NFASC: variants seen among roughly 807,000 people sequenced by gnomAD.
NFASC encodes the protein neurofascin.
A neutral mutation model predicts 147.5 loss-of-function variants in NFASC; 43 were observed. The ratio of observed to expected loss-of-function variants is 0.29; its 90% CI spans 0.23 to 0.38. The LOEUF is 0.38. NFASC is among the 10% of genes least tolerant of loss of function. NFASC has a pLI of 1.00. For missense variants in NFASC, 1,320 were observed against 1,689.0 expected, an observed-to-expected ratio of 0.78 and a Z score of 3.83; for synonymous variants, 622 against 665.5, an observed-to-expected ratio of 0.93 and a Z score of 1.01.
chr1:204,875,936 A>C (rs2078698112), intron 1 of NFASC, among the ~76,000 whole-genome samples: 1 of 152,098 alleles, frequency 6.6e-6, no homozygotes. Context: ...GTTGGTGGGG[A>C]AAAGTGGAAG....
At chr1:204,980,298 C>G (rs2095487053) in intron 19 of NFASC, 72 bp from the exon 20 acceptor site, 3 of 1,160,436 alleles carry the variant, frequency 2.6e-6, no homozygotes, top group Non-Finnish European at 3.9e-6. Context: ...TCAGGTAGGA[C>G]AGAGGAAGGT....
chr1:204,871,204 T>G, intron 1 of NFASC: 1 of 869,494 alleles, frequency 1.2e-6, no homozygotes, highest in Non-Finnish European at 1.6e-6. Context: ...AGACTGTGGT[T>G]GTGCACAAGG....
chr1:204,948,245 G>A (rs1317706530), intron 3 of NFASC, among the ~76,000 whole-genome samples: 1 of 152,242 alleles, frequency 6.6e-6, no homozygotes, highest in African/African-American at 2.4e-5. Context: ...TGTGACACTG[G>A]GTGGGAGCTT....
At chr1:204,976,597 T>C in intron 15 of NFASC, 74 bp from the exon 16 acceptor site, 2 of 1,168,972 alleles carry the variant, frequency 1.7e-6, no homozygotes, top group Non-Finnish European at 2.5e-6. Context: ...GAACCCCCTC[T>C]AGGGAGAAAG....
intron 1 of NFASC, among the ~76,000 whole-genome samples, chr1:204,884,059 C>T (rs2080853412): frequency 6.6e-6 from 1 of 152,124 alleles, no homozygotes; most frequent in African/African-American, 2.4e-5. Flanking sequence ...ATTAAGTTGA[C>T]GTTGGGAGGC....
intron 13 of NFASC, 38 bp from the exon 14 acceptor site, chr1:204,974,619 G>C: frequency 6.2e-7 from 1 of 1,613,372 alleles, no homozygotes; most frequent in South Asian, 1.1e-5. Context: ...GGCTGGTCCT[G>C]TCTCAGGATG....
chr1:204,886,036 C>A (rs1012254524), intron 1 of NFASC, among the ~76,000 whole-genome samples: 3 of 152,222 alleles, frequency 2.0e-5, no homozygotes, highest in South Asian at 2.1e-4. Context: ...TGAATATCCT[C>A]AGGGATGGGC....
At chr1:204,871,709 G>A (rs1476301327) in intron 1 of NFASC, among the ~76,000 whole-genome samples, 2 of 152,206 alleles carry the variant, frequency 1.3e-5, no homozygotes, top group Non-Finnish European at 2.9e-5. Context: ...TCTAGGGATG[G>A]AGAGCAGTTT....
Position 204,997,404 on chromosome 1 carries a change from C to T in NFASC, c.3017C>T (p.Ser1006Phe). Residue 1006 changes from serine to phenylalanine, a missense_variant and splice_region_variant, in exon 25 of 30, where the codon TCC (serine) becomes TTC (phenylalanine). Coordinates refer to ENST00000339876, the MANE Select transcript of NFASC (RefSeq NM_001005388.3). ...TTTSGTKIHE[S>F]APDEQSIWNV... ...ACCTCCGGGACTAAGATACACGAATCCGGTACTGCGCATCGCCCATGCTCC... is the reference window on the plus strand; with the variant it reads ...ACCTCCGGGACTAAGATACACGAATTCGGTACTGCGCATCGCCCATGCTCC... 6.4e-7 allele frequency: 1 copy of T among 1,552,078 alleles called. No homozygotes were observed. Among genetic ancestry groups the T allele is most frequent in the Non-Finnish European group, 8.7e-7 (1 of 1,147,076 alleles).
At position 205,012,953 on chromosome 1, in the gene NFASC, C is replaced by A. The variant is rs1330387679; in HGVS notation, c.3491+87C>A. ...CTCCCCTCAGAGTAGCTCCGCTTGG[C>A]TGAGAGGCCATGAGTAGCTGTCCTT... On this transcript the variant is annotated intron_variant, in intron 29 of 29. Transcript: ENST00000339876. The A allele has an allele frequency of 4.6e-5, 44 of 949,562 alleles. No homozygotes were observed. The South Asian group carries it at 5.8e-4, about 13-fold the overall frequency. 58.8% of individuals were successfully genotyped at this position (949,562 alleles called of 1,614,324 possible). A position where few individuals can be genotyped will look rare whatever the true frequency, so the allele number is the denominator to read the frequency against.
At chr1:204,868,415 G>A (rs1262835101) in intron 1 of NFASC, among the ~76,000 whole-genome samples, 1 of 152,144 alleles carries the variant, frequency 6.6e-6, no homozygotes, top group African/African-American at 2.4e-5. Context: ...GGACATGCTG[G>A]CGCTCTCCCC....
chr1:204,939,706 G>A (rs1198497042), intron 2 of NFASC, among the ~76,000 whole-genome samples: 1 of 152,252 alleles, frequency 6.6e-6, no homozygotes, highest in Admixed American at 6.5e-5. Flanking sequence ...TGGGCCCTAG[G>A]GCAAGACTGT....
chr1:204,979,569 C>A lies in NFASC; in HGVS notation c.2176+10C>A. ...CGAACCAGTGGAGCACGTGAGTACC[C>A]GAGGGCTGCCAGAGAAGGCTCCGGA... is the stretch of plus-strand genomic sequence containing the variant. On this transcript the variant is annotated intron_variant, in intron 19 of 29. Coordinates refer to ENST00000339876, the MANE Select transcript of NFASC (RefSeq NM_001005388.3). This position sits in a 1 kb window ranked among gnomAD's most constrained non-coding sequence, Gnocchi z 6.0. The A allele has an allele frequency of 6.2e-7, 1 of 1,612,976 alleles. No homozygotes were observed.
In NFASC at chr1:204,970,886, C is replaced by G. The variant is rs1338479643; in HGVS notation, c.1135+139C>G. 3.4e-5 allele frequency: 36 copies of G among 1,057,432 alleles called. No individual in the cohort carries two copies. The South Asian group carries it at 5.3e-4, about 16-fold the overall frequency. The allele number at this position is 1,057,432 out of a possible 1,614,324, so 65.5% of individuals were successfully genotyped here. A position where few individuals can be genotyped will look rare whatever the true frequency, so the allele number is the denominator to read the frequency against. On this transcript the variant is annotated intron_variant, in intron 11 of 29. Transcript: ENST00000339876. Reference sequence around the variant, plus strand: ...CCACTGGTGGCTGTTTCTCAGCTGCCCATCTCTTCAGACATCTCAAGAGGC... The same window carrying G: ...CCACTGGTGGCTGTTTCTCAGCTGCGCATCTCTTCAGACATCTCAAGAGGC...
intron 27 of NFASC, among the ~76,000 whole-genome samples, chr1:205,005,452 G>A (rs56039850): frequency 0.3 from 45,388 of 151,996 alleles, 7,396 homozygotes; most frequent in African/African-American, 0.42. Context: ...TGTAAGAGGC[G>A]TGGGGGCCGG....
rs536125866 is a variant in NFASC, at chr1:204,950,960, T to A, written c.109+386T>A. Among the ~76,000 whole-genome samples the A allele has an allele frequency of 4.6e-3, 702 of 152,284 alleles. 4 individuals are homozygous for A. Among genetic ancestry groups the A allele is most frequent in the Non-Finnish European group, 6.8e-3 (464 of 68,014 alleles). ...CTAGCCTCACCATAGTTTGGCCGTTTGTTGAGCCTCCAGGGCTCAGAACCA... is the reference window on the plus strand; with the variant it reads ...CTAGCCTCACCATAGTTTGGCCGTTAGTTGAGCCTCCAGGGCTCAGAACCA... On this transcript the variant is annotated intron_variant, in intron 4 of 29. Transcript: ENST00000339876.
intron 29 of NFASC, among the ~76,000 whole-genome samples, chr1:205,013,264 T>C (rs1159945563): frequency 6.6e-6 from 1 of 152,190 alleles, no homozygotes; most frequent in Non-Finnish European, 1.5e-5. Flanking sequence ...ATGCTGATTC[T>C]CTGCCCACAC....
Position 204,986,042 on chromosome 1 carries a change from G to A in NFASC, c.2471-1376G>A. On this transcript the variant is annotated intron_variant, in intron 21 of 29. Coordinates refer to ENST00000339876, the MANE Select transcript of NFASC (RefSeq NM_001005388.3). The surrounding 1 kb of genome is among the most constrained non-coding windows in gnomAD (Gnocchi z 4.2). The stretch of plus-strand genomic sequence containing the variant: ...CTTCCCCTACAGTAACTACAAGCTG[G>A]AGATGGTTGTGGTCAATGGGAGAGG... 6.2e-7 allele frequency: 1 copy of A among 1,614,182 alleles called. No individual in the cohort carries two copies. Among genetic ancestry groups the A allele is most frequent in the Non-Finnish European group, 8.5e-7 (1 of 1,180,024 alleles).
chr1:204,858,501 G>A (rs147667760), intron 1 of NFASC, among the ~76,000 whole-genome samples: 176 of 152,216 alleles, frequency 1.2e-3, no homozygotes, highest in African/African-American at 4.0e-3. Context: ...TGATGGCAAC[G>A]AAGAGGGCAC....
Sources: gnomAD v4.1 joint callset for allele counts (sites outside exome capture counted in the v4.1 genomes callset) on GRCh38, gnomAD v4.1.1 for gene constraint, Gnocchi (gnomAD v3.1) non-coding constraint, MANE v1.5 for transcripts, NCBI Gene and HGNC (gene_info 2026-07-23, HGNC 2026-07-21) for gene names.